Variants in MYO10 observed in about 807,000 individuals in gnomAD.
MYO10 encodes myosin X.
In MYO10, 133 loss-of-function variants were observed where a neutral mutation model predicts 257.3. That is an observed-to-expected ratio of 0.52 (90% confidence interval 0.45 to 0.60). MYO10 has a LOEUF of 0.60. Among genes scored for constraint, MYO10 ranks in the 20% least tolerant of loss-of-function variants. The pLI is 0.00. For missense variants in MYO10, 2,399 were observed against 2,635.7 expected (o/e 0.91, Z 1.97); for synonymous variants, 1,104 against 1,028.6 (o/e 1.07, Z -1.40).
intron 40 of MYO10, among the ~76,000 whole-genome samples, chr5:16,667,877 G>A (rs148005929): frequency 2.6e-5 from 4 of 152,230 alleles, no homozygotes; most frequent in African/African-American, 7.2e-5. Flanking sequence ...TCATGCTCCC[G>A]GCTCCCTCCT....
chr5:16,691,040 C>A (rs954841708), intron 27 of MYO10, among the ~76,000 whole-genome samples: 2 of 151,660 alleles, frequency 1.3e-5, no homozygotes, highest in African/African-American at 4.8e-5. Context: ...GAGGCTGAGG[C>A]GGGCGGATCA....
chr5:16,832,431 C>T (rs1743188780), intron 2 of MYO10, among the ~76,000 whole-genome samples: 1 of 151,974 alleles, frequency 6.6e-6, no homozygotes, highest in South Asian at 2.1e-4. Context: ...ACAACAAAAA[C>T]AAAACAAAAG....
rs761072831 is a variant in MYO10, at chr5:16,935,854, G to A, written c.-46C>T. On this transcript the variant is annotated 5_prime_UTR_variant, in exon 1 of 41. Transcript: ENST00000513610. ...CTCGCCGAGTGCCGCTCCGACTCGC[G>A]GAAGTCAGCGCCGCCGCGGGTCCGG... 35 of 1,608,686 alleles carry A rather than the reference G, an allele frequency of 2.2e-5. No individual in the cohort carries two copies. Among genetic ancestry groups the A allele is most frequent in the East Asian group, 4.5e-5 (2 of 44,638 alleles).
intron 3 of MYO10, among the ~76,000 whole-genome samples, chr5:16,801,605 A>G (rs904694127): frequency 3.9e-5 from 6 of 152,178 alleles, no homozygotes; most frequent in African/African-American, 1.2e-4. Flanking sequence ...TTTGTGATTC[A>G]TATTCTGAAA....
At chr5:16,689,402 C>T (rs1357738300) in intron 28 of MYO10, among the ~76,000 whole-genome samples, 2 of 152,172 alleles carry the variant, frequency 1.3e-5, no homozygotes, top group African/African-American at 2.4e-5. Context: ...TGCCATAGCA[C>T]TATCAGTTAC....
intron 19 of MYO10, among the ~76,000 whole-genome samples, chr5:16,715,498 C>G (rs1319720606): frequency 7.7e-6 from 1 of 130,014 alleles, no homozygotes; most frequent in African/African-American, 2.9e-5. Flanking sequence ...TGGGGTTTCT[C>G]CATGTTGGTG....
chr5:16,916,924 T>A (rs1333974407), intron 1 of MYO10, among the ~76,000 whole-genome samples: 3 of 152,162 alleles, frequency 2.0e-5, no homozygotes, highest in African/African-American at 7.2e-5. Context: ...AAGAATATAG[T>A]GTAGATTGCT....
chr5:16,771,046 G>T (rs544175499), intron 9 of MYO10, among the ~76,000 whole-genome samples: 6 of 152,300 alleles, frequency 3.9e-5, no homozygotes, highest in African/African-American at 1.4e-4. Context: ...AGGATTACAG[G>T]TGTGAACCAC....
In MYO10 at chr5:16,662,058, G is replaced by A. The variant is rs949953892; in HGVS notation, c.*4634C>T. On this transcript the variant is annotated 3_prime_UTR_variant, in exon 41 of 41. Transcript: ENST00000513610. ...CCAGGTCCGATATTTTCCAGCAATC[G>A]TGATGCTTCTCTGATCAACTGAATG... The A allele has an allele frequency of 6.6e-6, 1 of 152,262 alleles. No homozygotes were observed. Among genetic ancestry groups the A allele is most frequent in the Non-Finnish European group, 1.5e-5 (1 of 68,034 alleles). 9.4% of individuals were successfully genotyped at this position (152,262 alleles called of 1,614,324 possible).
chr5:16,781,289 G>A (rs1163715065), intron 6 of MYO10, among the ~76,000 whole-genome samples: 5 of 151,834 alleles, frequency 3.3e-5, no homozygotes, highest in Admixed American at 6.6e-5. Context: ...CATGTTGGCC[G>A]GGCTGGTCTC....
Position 16,701,489 on chromosome 5 carries a change from C to G in MYO10, c.2906G>C (p.Ser969Thr). The change falls in exon 25 of 41, where the codon AGC (serine) becomes ACC (threonine). Residue 969 changes from serine (S) to threonine (T), a missense_variant. Physicochemically the swap from Ser to Thr is moderately conservative, Grantham distance 58. Transcript: ENST00000513610. The surrounding 1 kb of genome is among the most constrained non-coding windows in gnomAD (Gnocchi z 8.1). ...RSLSVGSEFSSELAESACEEK... is the reference protein window; with the variant it reads ...RSLSVGSEFSTELAESACEEK... ...CTCGCATGCGCTCTCAGCCAGCTCG[C>G]TGGAAAATTCGCTTCCCACCGACAG... 1 of 1,613,898 alleles carries G rather than the reference C, an allele frequency of 6.2e-7. No homozygotes were observed. The highest frequency in any genetic ancestry group is 8.5e-7 in the Non-Finnish European group (1 of 1,179,884).
At chr5:16,753,516 G>A (rs1740443305) in intron 19 of MYO10, among the ~76,000 whole-genome samples, 1 of 125,526 alleles carries the variant, frequency 8.0e-6, no homozygotes, top group Non-Finnish European at 1.6e-5. Context: ...CTATCTCCCA[G>A]GCTGGAGTGC....
chr5:16,888,365 C>T (rs1744951006), intron 1 of MYO10, among the ~76,000 whole-genome samples: 1 of 150,280 alleles, frequency 6.7e-6, no homozygotes, highest in Admixed American at 6.6e-5. Flanking sequence ...TTCATCTCTA[C>T]AACATTTTTT....
intron 21 of MYO10, among the ~76,000 whole-genome samples, chr5:16,706,871 G>A (rs947961749): frequency 6.6e-6 from 1 of 152,192 alleles, no homozygotes; most frequent in Non-Finnish European, 1.5e-5. Flanking sequence ...TTAGGGACCT[G>A]TCAGTTTCAT....
chr5:16,728,809 G>T (rs1561213286), intron 19 of MYO10, among the ~76,000 whole-genome samples: 1 of 152,222 alleles, frequency 6.6e-6, no homozygotes, highest in Non-Finnish European at 1.5e-5. Flanking sequence ...CTCCAAGTGT[G>T]GCCTGGGACG....
At chr5:16,875,036 C>T (rs1261554863) in intron 2 of MYO10, among the ~76,000 whole-genome samples, 1 of 152,130 alleles carries the variant, frequency 6.6e-6, no homozygotes, top group Non-Finnish European at 1.5e-5. Flanking sequence ...GACTTATTTG[C>T]TATCACAAGA....
At chr5:16,885,222 T>C (rs1561038373) in intron 1 of MYO10, among the ~76,000 whole-genome samples, 4 of 152,002 alleles carry the variant, frequency 2.6e-5, no homozygotes, top group Non-Finnish European at 5.9e-5. Flanking sequence ...AGAGCCGACT[T>C]TTAATGCAGA....
chr5:16,680,593 G>C (rs1290936731), intron 32 of MYO10, among the ~76,000 whole-genome samples: 2 of 152,150 alleles, frequency 1.3e-5, no homozygotes, highest in African/African-American at 2.4e-5. Flanking sequence ...TGGAACAACT[G>C]TGTTACACAG....
intron 2 of MYO10, among the ~76,000 whole-genome samples, chr5:16,830,224 A>G (rs1267729162): frequency 6.6e-6 from 1 of 151,788 alleles, no homozygotes; most frequent in Non-Finnish European, 1.5e-5. Context: ...CGACAGAGGG[A>G]GACTCCATCT....
Sources: allele counts gnomAD v4.1 joint callset (sites outside exome capture counted in the v4.1 genomes callset), GRCh38; gene constraint gnomAD v4.1.1; non-coding constraint Gnocchi (gnomAD v3.1); transcripts MANE v1.5; gene names NCBI Gene and HGNC (gene_info 2026-07-23, HGNC 2026-07-21).